The following ADAMTSL3 variants were observed in gnomAD, a reference collection of about 807,000 sequenced individuals.
The protein encoded by ADAMTSL3 is ADAMTS-like protein 3.
ADAMTSL3 carries 128 observed loss-of-function variants against 201.7 expected under a neutral mutation model. That is an observed-to-expected ratio of 0.63 (90% CI 0.55 to 0.73). The LOEUF (loss-of-function observed/expected upper bound fraction) is 0.73. Among genes scored for constraint, ADAMTSL3 ranks in the 30% least tolerant of loss-of-function variants. ADAMTSL3 has a pLI of 0.00. For synonymous variants in ADAMTSL3, 738 were observed against 748.4 expected (o/e 0.99, Z 0.23); for missense variants, 1,990 against 2,119.6 (o/e 0.94, Z 1.20).
intron 10 of ADAMTSL3, among the ~76,000 whole-genome samples, chr15:83,885,865 C>T (rs1213929386): frequency 6.6e-6 from 1 of 152,122 alleles, no homozygotes; most frequent in Non-Finnish European, 1.5e-5. Context: ...GCTGGGATTA[C>T]AGGTGCCCAC....
At position 83,912,969 on chromosome 15, in the gene ADAMTSL3, T is replaced by C. The variant is rs1377800366; in HGVS notation, c.1701-123T>C. ...CAACAAAAGTATAAAATTCCAAATG[T>C]GTGGAATTCCACCGAGTGAAGCTGG... On this transcript the variant is annotated intron_variant, in intron 15 of 29. Coordinates refer to ENST00000286744, the MANE Select transcript of ADAMTSL3 (RefSeq NM_207517.3). 13 of 1,003,748 alleles carry C rather than the reference T, an allele frequency of 1.3e-5. No homozygotes were observed. The Middle Eastern group carries it at 1.3e-3, about 102-fold the overall frequency. 62.2% of individuals were successfully genotyped at this position (1,003,748 alleles called of 1,614,324 possible). A position where few individuals can be genotyped will look rare whatever the true frequency, so the allele number is the denominator to read the frequency against.
intron 2 of ADAMTSL3, among the ~76,000 whole-genome samples, chr15:83,659,580 G>A (rs983245096): frequency 3.3e-5 from 5 of 152,188 alleles, no homozygotes; most frequent in African/African-American, 1.2e-4. Context: ...CAGGCTGACA[G>A]TGTGGATGTC....
chr15:83,948,911 G>T (rs1385352563), intron 19 of ADAMTSL3, among the ~76,000 whole-genome samples: 2 of 151,538 alleles, frequency 1.3e-5, no homozygotes, highest in Admixed American at 6.6e-5. Context: ...ATTTTATGGG[G>T]TACATGAGAT....
intron 3 of ADAMTSL3, among the ~76,000 whole-genome samples, chr15:83,764,971 G>A (rs1456967389): frequency 6.6e-6 from 1 of 152,128 alleles, no homozygotes; most frequent in Non-Finnish European, 1.5e-5. Context: ...GGCTTTAAAG[G>A]TGGTAAAATA....
intron 16 of ADAMTSL3, among the ~76,000 whole-genome samples, chr15:83,917,678 T>C (rs1484395680): frequency 1.3e-5 from 2 of 152,206 alleles, no homozygotes; most frequent in East Asian, 1.9e-4. Context: ...TTTACCTTTA[T>C]GTTTTCCAAC....
At chr15:83,899,601 T>G (rs1465756806) in intron 14 of ADAMTSL3, 46 bp from the exon 15 acceptor site, 1 of 1,568,980 alleles carries the variant, frequency 6.4e-7, no homozygotes. Flanking sequence ...AACTCCTTAA[T>G]GATTAATAGT....
rs758690315 is a variant in ADAMTSL3 at position 83,991,190 on chromosome 15, G to GT, written c.3950dup (p.Thr1318AspfsTer13). 2 of 1,614,182 alleles carry GT rather than the reference G, an allele frequency of 1.2e-6. No individual in the cohort carries two copies. The highest frequency in any genetic ancestry group is 3.3e-5 in the Admixed American group (2 of 60,028). ...CGTGGAGGCAGCCCTTGGAGCAAAC[G>GT]TGACAATCCGATGTCCTGTAAAAGG... On this transcript the variant is annotated frameshift_variant, in exon 23 of 30. Transcript: ENST00000286744. LOFTEE classifies it high-confidence loss of function.
intron 2 of ADAMTSL3, among the ~76,000 whole-genome samples, chr15:83,695,977 C>A (rs1304119497): frequency 6.6e-6 from 1 of 152,086 alleles, no homozygotes; most frequent in African/African-American, 2.4e-5. Context: ...GTTAACTTGA[C>A]TTTCCCTCAT....
intron 10 of ADAMTSL3, among the ~76,000 whole-genome samples, chr15:83,886,574 C>A (rs2065395476): frequency 6.6e-6 from 1 of 152,118 alleles, no homozygotes; most frequent in South Asian, 2.1e-4. Flanking sequence ...CCCTAAACCT[C>A]CTACTACACC....
chr15:83,748,649 C>CAAAAA (rs71156097), intron 3 of ADAMTSL3, among the ~76,000 whole-genome samples: 15 of 70,492 alleles, frequency 2.1e-4, no homozygotes, highest in Non-Finnish European at 3.1e-4. Flanking sequence ...GACCCTGTCT[C>CAAAAA]AAAAAAAAAA....
At chr15:83,841,700 CT>C (rs2064377546) in intron 7 of ADAMTSL3, among the ~76,000 whole-genome samples, 1 of 152,088 alleles carries the variant, frequency 6.6e-6, no homozygotes, top group Non-Finnish European at 1.5e-5. Context: ...CTGGCTAGGG[CT>C]CCGCCCTTGG....
intron 4 of ADAMTSL3, among the ~76,000 whole-genome samples, chr15:83,801,639 T>TATAA (rs1555445587): frequency 1.0e-4 from 3 of 29,978 alleles, no homozygotes; most frequent in Non-Finnish European, 1.6e-4. Flanking sequence ...TATATATAAA[T>TATAA]ATATAAATAT....
chr15:83,855,363 A>T (rs1447847025), intron 7 of ADAMTSL3, among the ~76,000 whole-genome samples: 1 of 152,156 alleles, frequency 6.6e-6, no homozygotes, highest in African/African-American at 2.4e-5. Flanking sequence ...ATGCAGCCTC[A>T]ATGTTATATA....
intron 23 of ADAMTSL3, among the ~76,000 whole-genome samples, chr15:83,992,919 T>C (rs1211906774): frequency 6.6e-6 from 1 of 152,124 alleles, no homozygotes; most frequent in Non-Finnish European, 1.5e-5. Flanking sequence ...AGTACTCATC[T>C]CTCCCCTTCC....
intron 9 of ADAMTSL3, among the ~76,000 whole-genome samples, chr15:83,880,884 T>C (rs72746989): frequency 0.033 from 4,975 of 152,074 alleles, 128 homozygotes; most frequent in Non-Finnish European, 0.048. Context: ...AATATCTGGA[T>C]TTCCTGTCAT....
intron 25 of ADAMTSL3, among the ~76,000 whole-genome samples, chr15:84,017,364 A>G (rs548406537): frequency 1.3e-4 from 20 of 152,216 alleles, no homozygotes; most frequent in Non-Finnish European, 2.4e-4. Flanking sequence ...TGATCCGCCC[A>G]CCTTGGCCTC....
chr15:84,014,659 C>G lies in ADAMTSL3; in HGVS notation c.4091C>G (p.Thr1364Ser), dbSNP rs531745638. The change falls in exon 24 of 30, where the codon ACC becomes AGC. Residue 1364 changes from threonine to serine, a missense_variant. Thr to Ser is a moderately conservative substitution (Grantham distance 58). Coordinates refer to ENST00000286744, the MANE Select transcript of ADAMTSL3 (RefSeq NM_207517.3). ...LQNVSLENEG[T>S]YVCIATNALG... ...AATGTTTCCCTTGAAAATGAAGGAA[C>G]CTACGTCTGCATAGCCACCAATGCT... The G allele has an allele frequency of 9.9e-6, 16 of 1,611,662 alleles. No homozygotes were observed. Among genetic ancestry groups the G allele is most frequent in the Admixed American group, 5.1e-5 (3 of 59,378 alleles).
At chr15:83,664,395 A>G (rs976115635) in intron 2 of ADAMTSL3, among the ~76,000 whole-genome samples, 5 of 152,116 alleles carry the variant, frequency 3.3e-5, no homozygotes, top group Middle Eastern at 6.8e-3. Context: ...ATGCACCAGA[A>G]TGTTCCTTGG....
chr15:83,859,573 C>A (rs879666256), intron 8 of ADAMTSL3, among the ~76,000 whole-genome samples: 5 of 152,120 alleles, frequency 3.3e-5, no homozygotes, highest in Non-Finnish European at 7.4e-5. Context: ...TGTTTTAATC[C>A]ACTATTACCT....
Sources: gnomAD v4.1 joint callset for allele counts (sites outside exome capture counted in the v4.1 genomes callset) on GRCh38, gnomAD v4.1.1 for gene constraint, MANE v1.5 for transcripts, NCBI Gene and HGNC (gene_info 2026-07-23, HGNC 2026-07-21) for gene names.